The following NDRG2 variants were observed in gnomAD, a reference collection of about 807,000 sequenced individuals.
NDRG2 encodes the protein protein NDRG2.
NDRG2 carries 34 observed loss-of-function variants against 58.2 expected under a neutral mutation model. The ratio of observed to expected loss-of-function variants is 0.58; its 90% confidence interval spans 0.44 to 0.78. The LOEUF is 0.78. Ranked by LOEUF, NDRG2 falls within the 30% of genes least tolerant of loss-of-function variation. The probability of loss-of-function intolerance (pLI) is 0.00; values close to 1 mark genes in which losing one functional copy is unlikely to be tolerated. For missense variants in NDRG2, 434 were observed against 471.2 expected (o/e 0.92, Z 0.73); for synonymous variants, 187 against 175.9 (o/e 1.06, Z -0.50).
chr14:21,035,748 T>A (rs1291999750), intron 1 of NDRG2: 1 of 456,040 alleles, frequency 2.2e-6, no homozygotes, highest in Non-Finnish European at 4.4e-6. Context: ...CAAAATGGAA[T>A]CCATCCTCCC....
At chr14:21,031,238 C>G (rs757071208) in intron 1 of NDRG2, 13 of 1,551,450 alleles carry the variant, frequency 8.4e-6, no homozygotes, top group Middle Eastern at 1.7e-4. Context: ...CTCCCTAACC[C>G]TGCCAACTGT....
upstream of NDRG2, chr14:21,025,671 T>A (rs938671932): frequency 1.0e-6 from 1 of 984,106 alleles, no homozygotes; most frequent in Non-Finnish European, 1.2e-6. This position sits in a 1 kb window ranked among gnomAD's most constrained non-coding sequence, Gnocchi z 5.1. Context: ...CCCAGAGTCC[T>A]GGTACCTCTC....
intron 1 of NDRG2, among the ~76,000 whole-genome samples, chr14:21,068,512 T>C (rs2139178003): frequency 6.6e-6 from 1 of 152,164 alleles, no homozygotes. Context: ...TCAGACACTC[T>C]CAACACCGAG....
chr14:21,055,425 A>C (rs368359356), intron 1 of NDRG2, among the ~76,000 whole-genome samples: 26 of 152,158 alleles, frequency 1.7e-4, no homozygotes, highest in African/African-American at 5.6e-4. Flanking sequence ...CAAATGTTGT[A>C]GGCCCTTAGA....
At chr14:21,054,209 T>G (rs1222583662) in intron 1 of NDRG2, among the ~76,000 whole-genome samples, 5 of 152,180 alleles carry the variant, frequency 3.3e-5, no homozygotes, top group Admixed American at 3.3e-4. Flanking sequence ...GGCAAGTTAC[T>G]CAACTCCCAC....
chr14:21,023,523 C>T (rs897472195), intron 1 of NDRG2: 14 of 579,498 alleles, frequency 2.4e-5, no homozygotes, highest in Non-Finnish European at 4.0e-5. Flanking sequence ...GAAGAGGAAT[C>T]AGGACAGCCC....
intron 1 of NDRG2, among the ~76,000 whole-genome samples, chr14:21,064,535 C>T (rs1316761712): frequency 6.6e-6 from 1 of 152,204 alleles, no homozygotes; most frequent in African/African-American, 2.4e-5. Flanking sequence ...CTCCTGACCT[C>T]AGGTGACCCG....
chr14:21,017,363 G>A lies in NDRG2; in HGVS notation c.*233C>T. 3.5e-6 allele frequency: 2 copies of A among 578,154 alleles called. No individual in the cohort carries two copies. The highest frequency in any genetic ancestry group is 6.1e-6 in the Non-Finnish European group (2 of 325,488). The allele number at this position is 578,154 out of a possible 1,614,324, so 35.8% of individuals were successfully genotyped here. A position where few individuals can be genotyped will look rare whatever the true frequency, so the allele number is the denominator to read the frequency against. On this transcript the variant is annotated 3_prime_UTR_variant, in exon 16 of 16. Transcript: ENST00000556147. Reference sequence around the variant, plus strand: ...ACCTTAACATCAAAATGGGGGAGGAGGAGAATTTAGGGGTCTGGGTCCCTA... The same window carrying A: ...ACCTTAACATCAAAATGGGGGAGGAAGAGAATTTAGGGGTCTGGGTCCCTA...
chr14:21,043,366 G>T, intron 1 of NDRG2: 1 of 1,614,140 alleles, frequency 6.2e-7, no homozygotes, highest in Non-Finnish European at 8.5e-7. Flanking sequence ...AAAGAGAAGC[G>T]ACAGAACAAG....
At chr14:21,020,263 C>T in intron 8 of NDRG2, 2 of 539,350 alleles carry the variant, frequency 3.7e-6, no homozygotes, top group East Asian at 3.1e-5. Context: ...CACTGCACTC[C>T]AGCCTTGGCA....
chr14:21,019,147 T>G lies in NDRG2; in HGVS notation c.730A>C (p.Asn244His). ...WNSYNNRRDL[N>H]FERGGDITLR... ...GTGATATCACCTCCACGCTCAAAGT[T>G]CAGGTCTCGGCGGCTAGAAAGGGGT... Residue 244 changes from asparagine (N) to histidine (H), a missense_variant, in exon 11 of 16, where the codon AAC becomes CAC. Physicochemically the swap from Asn to His is moderately conservative, Grantham distance 68. Coordinates refer to ENST00000556147, the MANE Select transcript of NDRG2 (RefSeq NM_001320329.2). 1 of 1,611,956 alleles carries G rather than the reference T, an allele frequency of 6.2e-7. No homozygotes were observed. The highest frequency in any genetic ancestry group is 8.5e-7 in the Non-Finnish European group (1 of 1,179,328).
intron 1 of NDRG2, 86 bp downstream of exon 1, chr14:21,023,944 A>G: frequency 5.1e-6 from 5 of 985,584 alleles, no homozygotes; most frequent in Non-Finnish European, 6.0e-6. Context: ...AAACTCCGCA[A>G]GTTCAACATT....
chr14:21,027,112 T>C (rs1883737025), upstream of NDRG2, among the ~76,000 whole-genome samples: 1 of 152,134 alleles, frequency 6.6e-6, no homozygotes, highest in African/African-American at 2.4e-5. Context: ...AGGCAGGAGA[T>C]GGGAAATTTC....
rs547770040 is a variant in NDRG2 at position 21,017,707 on chromosome 14, A to G, written c.1005T>C (p.Ser335=). 187 of 1,606,738 alleles carry G rather than the reference A, an allele frequency of 1.2e-4. No homozygotes were observed. Among genetic ancestry groups the G allele is most frequent in the Non-Finnish European group, 1.5e-4 (176 of 1,176,544 alleles). ...ACCGGTTGCCATCAACGGATGCTGC[A>G]CTGGTCAGAGAGGCTGTACGAGACC... ...LSRSRTASLT[S]AASVDGNRSR... Residue 335 remains serine, a synonymous_variant, in exon 16 of 16, where the codon AGT becomes AGC. Transcript: ENST00000556147.
chr14:21,057,827 C>T (rs1885745723), intron 1 of NDRG2: 1 of 1,385,464 alleles, frequency 7.2e-7, no homozygotes, highest in Non-Finnish European at 1.0e-6. Flanking sequence ...ACTAACAAGA[C>T]TCCCCCATGA....
chr14:21,042,964 C>T (rs1373578767), intron 1 of NDRG2: 5 of 1,593,002 alleles, frequency 3.1e-6, no homozygotes, highest in Non-Finnish European at 4.3e-6. Flanking sequence ...GACCCCTGCC[C>T]TCCATCCTGA....
intron 8 of NDRG2, 69 bp downstream of exon 8, chr14:21,020,427 C>G: frequency 8.6e-7 from 1 of 1,166,330 alleles, no homozygotes; most frequent in Non-Finnish European, 1.2e-6. Context: ...AGGCTATCTA[C>G]CAGAGCCTAA....
At position 21,017,629 on chromosome 14, in the gene NDRG2, C is replaced by T. The variant is rs1594361959; in HGVS notation, c.1083G>A (p.Gly361=). 1 of 1,613,660 alleles carries T rather than the reference C, an allele frequency of 6.2e-7. No homozygotes were observed. The highest frequency in any genetic ancestry group is 8.5e-7 in the Non-Finnish European group (1 of 1,179,850). ...AGACCTCCATGGTGTGCCCCGGGGG[C>T]CCCGAAGAAAGAGTTCCAGACTCGC... ...QSSESGTLSS[G]PPGHTMEVSC is the part of the protein sequence containing the mutation. The change falls in exon 16 of 16, where the codon GGG becomes GGA. Residue 361 remains glycine (G), a synonymous_variant. Transcript: ENST00000556147.
At chr14:21,046,467 G>A (rs2139122206) in intron 1 of NDRG2, among the ~76,000 whole-genome samples, 1 of 48,754 alleles carries the variant, frequency 2.1e-5, no homozygotes, top group South Asian at 5.4e-4. Context: ...GCTGCAGTGA[G>A]CCATGATCTG....
Sources: gnomAD v4.1 joint callset for allele counts (sites outside exome capture counted in the v4.1 genomes callset) on GRCh38, gnomAD v4.1.1 for gene constraint, Gnocchi (gnomAD v3.1) non-coding constraint, MANE v1.5 for transcripts, NCBI Gene and HGNC (gene_info 2026-07-23, HGNC 2026-07-21) for gene names.